Variants in BARX2 observed in about 807,000 individuals in gnomAD.
The protein encoded by BARX2 is BARX homeobox 2.
A neutral mutation model predicts 25.5 loss-of-function variants in BARX2; 11 were observed. The ratio of observed to expected loss-of-function variants is 0.43; its 90% CI spans 0.27 to 0.71. BARX2 has a LOEUF of 0.71. Ranked by LOEUF, BARX2 falls within the 30% of genes least tolerant of loss-of-function variation. The pLI, the probability that BARX2 is intolerant of heterozygous loss-of-function variation, is 0.19. For missense variants in BARX2, 360 were observed against 359.9 expected (o/e 1.00, Z 0.00); for synonymous variants, 137 against 149.5 (o/e 0.92, Z 0.61).
chr11:129,426,984 C>G (rs1467510441), intron 1 of BARX2, among the ~76,000 whole-genome samples: 5 of 152,062 alleles, frequency 3.3e-5, no homozygotes, highest in African/African-American at 1.2e-4. Context: ...AGAAACTGGC[C>G]GACTCTGCTA....
At chr11:129,418,744 T>C (rs549874301) in intron 1 of BARX2, among the ~76,000 whole-genome samples, 30 of 152,288 alleles carry the variant, frequency 2.0e-4, no homozygotes, top group South Asian at 1.9e-3. Context: ...TATTCTCAAG[T>C]AGTATAACGA....
rs146473154 is a variant in BARX2, at chr11:129,446,092, G to C, written c.573+3173G>C. Among the ~76,000 whole-genome samples the C allele has an allele frequency of 2.4e-3, 371 of 152,250 alleles. 1 individual carries two copies. The highest frequency in any genetic ancestry group is 8.6e-3 in the African/African-American group (356 of 41,560). On this transcript the variant is annotated intron_variant, in intron 3 of 3. Coordinates refer to ENST00000281437, the MANE Select transcript of BARX2 (RefSeq NM_003658.5). ...GCATTGGTAACCTATAGCGGGTTGG[G>C]TAAATTTAATCTTGCATATTTAAGA...
intron 1 of BARX2, among the ~76,000 whole-genome samples, chr11:129,417,640 G>T (rs1479418770): frequency 6.6e-6 from 1 of 151,748 alleles, no homozygotes; most frequent in African/African-American, 2.4e-5. Context: ...GTGTAGGTCT[G>T]CTGCAGAATC....
At chr11:129,407,290 G>C (rs973385133) in intron 1 of BARX2, among the ~76,000 whole-genome samples, 1 of 152,202 alleles carries the variant, frequency 6.6e-6, no homozygotes, top group Non-Finnish European at 1.5e-5. Context: ...CCTCAGTTGA[G>C]CACCTGTTTT....
intron 1 of BARX2, among the ~76,000 whole-genome samples, chr11:129,387,789 TC>T (rs1244539241): frequency 2.0e-5 from 3 of 152,218 alleles, no homozygotes; most frequent in African/African-American, 4.8e-5. Context: ...ATATTTCATT[TC>T]TTAGGGAGGT....
At chr11:129,397,668 C>T (rs536386842) in intron 1 of BARX2, among the ~76,000 whole-genome samples, 1 of 152,262 alleles carries the variant, frequency 6.6e-6, no homozygotes, top group South Asian at 2.1e-4. Flanking sequence ...CGTCAGAGCC[C>T]CTGCCCTCGT....
intron 1 of BARX2, among the ~76,000 whole-genome samples, chr11:129,435,534 G>A (rs1862178550): frequency 1.3e-5 from 2 of 152,200 alleles, no homozygotes. Context: ...TGGCTCAGAT[G>A]CTGGCTGTGG....
At chr11:129,442,027 A>G (rs993475529) in intron 2 of BARX2, among the ~76,000 whole-genome samples, 10 of 152,236 alleles carry the variant, frequency 6.6e-5, no homozygotes, top group African/African-American at 2.2e-4. Context: ...ACAGAGAAGT[A>G]CAGCACCATG....
intron 1 of BARX2, among the ~76,000 whole-genome samples, chr11:129,396,282 G>T (rs1425992343): frequency 6.6e-6 from 1 of 152,000 alleles, no homozygotes. Flanking sequence ...TCTCTTACTT[G>T]ATGTAGGTAA....
At chr11:129,417,761 G>A (rs1205561625) in intron 1 of BARX2, among the ~76,000 whole-genome samples, 1 of 152,196 alleles carries the variant, frequency 6.6e-6, no homozygotes, top group Non-Finnish European at 1.5e-5. Context: ...TCCTCTGTCA[G>A]ATCATAACAG....
chr11:129,416,880 T>G (rs1469906833), intron 1 of BARX2, among the ~76,000 whole-genome samples: 7 of 151,242 alleles, frequency 4.6e-5, no homozygotes, highest in African/African-American at 9.7e-5. Flanking sequence ...TCTTTGTTTT[T>G]TTTTTTTTTT....
intron 2 of BARX2, 51 bp from the exon 3 acceptor site, chr11:129,442,784 C>T: frequency 6.6e-7 from 1 of 1,505,846 alleles, no homozygotes. Context: ...TCCCATCTCT[C>T]CTGCTGCCTC....
chr11:129,379,852 G>A (rs981164888), intron 1 of BARX2, among the ~76,000 whole-genome samples: 1 of 152,000 alleles, frequency 6.6e-6, no homozygotes, highest in African/African-American at 2.4e-5. Flanking sequence ...CATTTGTGGG[G>A]AGGTGAGTGT....
intron 1 of BARX2, among the ~76,000 whole-genome samples, chr11:129,427,833 G>A (rs1591442346): frequency 1.3e-5 from 2 of 152,146 alleles, no homozygotes; most frequent in East Asian, 3.9e-4. Flanking sequence ...GTACATGCCT[G>A]GCCCAAGCAT....
Position 129,376,206 on chromosome 11 carries a change from C to A in BARX2, c.171C>A (p.Pro57=). The change falls in exon 1 of 4, where the codon CCC becomes CCA. Residue 57 remains proline (P), a synonymous_variant. Coordinates refer to ENST00000281437, the MANE Select transcript of BARX2 (RefSeq NM_003658.5). The surrounding 1 kb of genome is among the most constrained non-coding windows in gnomAD (Gnocchi z 4.2). ...CGTCGCTGGTCGTGCGACCCAAGCC[C>A]CTGCATTCCTGTACGGGTAAGACGC... The part of the protein sequence containing the change: ...VCPSLVVRPK[P]LHSCTGSPSL... 6.2e-7 allele frequency: 1 copy of A among 1,606,410 alleles called. No individual in the cohort carries two copies. The highest frequency in any genetic ancestry group is 1.1e-5 in the South Asian group (1 of 90,242).
chr11:129,386,173 G>A (rs1169773587), intron 1 of BARX2, among the ~76,000 whole-genome samples: 1 of 152,216 alleles, frequency 6.6e-6, no homozygotes, highest in African/African-American at 2.4e-5. Flanking sequence ...GACTAGTGAA[G>A]TATTTGGTCC....
intron 1 of BARX2, among the ~76,000 whole-genome samples, chr11:129,392,527 T>C (rs1861676029): frequency 6.6e-6 from 1 of 152,262 alleles, no homozygotes; most frequent in East Asian, 1.9e-4. Flanking sequence ...ATAATAACAA[T>C]ACACACACAT....
At position 129,375,868 on chromosome 11, in the gene BARX2, G is replaced by A. The variant is rs571249983; in HGVS notation, c.-168G>A. The A allele has an allele frequency of 5.5e-6, 1 of 180,554 alleles. No homozygotes were observed. The highest frequency in any genetic ancestry group is 1.9e-4 in the East Asian group (1 of 5,286). The allele number at this position is 180,554 out of a possible 1,614,324, so 11.2% of individuals were successfully genotyped here. A position where few individuals can be genotyped will look rare whatever the true frequency, so the allele number is the denominator to read the frequency against. ...GATCTGCGGGTGGGTCTAGACGCGC[G>A]GCAGGCGCGCCCGCTACCCGCTCTC... On this transcript the variant is annotated 5_prime_UTR_variant, in exon 1 of 4. Coordinates refer to ENST00000281437, the MANE Select transcript of BARX2 (RefSeq NM_003658.5). The surrounding 1 kb of genome is among the most constrained non-coding windows in gnomAD (Gnocchi z 4.0).
intron 2 of BARX2, chr11:129,438,470 T>A (rs1862219341): frequency 6.6e-6 from 1 of 152,300 alleles, no homozygotes; most frequent in Non-Finnish European, 1.5e-5. Flanking sequence ...GCCTGCTGCC[T>A]TGGACATACC....
Sources: gnomAD v4.1 joint callset for allele counts (sites outside exome capture counted in the v4.1 genomes callset) on GRCh38, gnomAD v4.1.1 for gene constraint, Gnocchi (gnomAD v3.1) non-coding constraint, MANE v1.5 for transcripts, NCBI Gene and HGNC (gene_info 2026-07-23, HGNC 2026-07-21) for gene names.